RBFOX1: variants seen among roughly 807,000 people sequenced by gnomAD.
The protein encoded by RBFOX1 is RNA binding fox-1 homolog 1.
Under a neutral mutation model 57.7 loss-of-function variants are expected in RBFOX1, and 8 were observed. The observed-to-expected ratio is 0.14, with a 90% CI of 0.08 to 0.25. RBFOX1 has a LOEUF of 0.25. Among genes scored for constraint, RBFOX1 ranks in the 10% least tolerant of loss-of-function variants. The probability of loss-of-function intolerance (pLI) is 1.00; values close to 1 mark genes in which losing one functional copy is unlikely to be tolerated. For missense variants in RBFOX1, 611 were observed against 548.5 expected, an observed-to-expected ratio of 1.11 and a Z score of -1.14; for synonymous variants, 326 against 222.4, an observed-to-expected ratio of 1.47 and a Z score of -4.15.
At chr16:6,843,634 AGCC>A (rs2093609828) in intron 3 of RBFOX1, among the ~76,000 whole-genome samples, 1 of 152,218 alleles carries the variant, frequency 6.6e-6, no homozygotes, top group Non-Finnish European at 1.5e-5. Flanking sequence ...GCTTGCAGTG[AGCC>A]GACATCGCGC....
chr16:7,698,283 C>T (rs2079471041), intron 14 of RBFOX1, among the ~76,000 whole-genome samples: 1 of 151,786 alleles, frequency 6.6e-6, no homozygotes. Context: ...ATGCCAGGAC[C>T]CACCATGCAT....
chr16:6,918,354 G>A (rs1044815336), intron 3 of RBFOX1, among the ~76,000 whole-genome samples: 15 of 151,850 alleles, frequency 9.9e-5, no homozygotes, highest in Non-Finnish European at 8.8e-5. Context: ...ACTGGGCTTG[G>A]TGCCATTGTT....
At chr16:5,486,181 G>C (rs180676025) in intron 2 of RBFOX1, among the ~76,000 whole-genome samples, 1 of 152,274 alleles carries the variant, frequency 6.6e-6, no homozygotes, top group East Asian at 1.9e-4. Context: ...GCCTCCCCTA[G>C]GAAGTCCTGG....
intron 4 of RBFOX1, among the ~76,000 whole-genome samples, chr16:7,384,486 CA>C (rs1253339708): frequency 6.6e-6 from 1 of 152,064 alleles, no homozygotes; most frequent in African/African-American, 2.4e-5. Context: ...GTTTTCATGC[CA>C]AACATAGCTG....
At chr16:6,722,097 A>C (rs943490097) in intron 3 of RBFOX1, 2 of 152,198 alleles carry the variant, frequency 1.3e-5, no homozygotes, top group Non-Finnish European at 2.9e-5. Context: ...TATGAATAAT[A>C]CTGGTATAAG....
intron 2 of RBFOX1, among the ~76,000 whole-genome samples, chr16:6,461,940 C>G (rs900821952): frequency 6.6e-6 from 1 of 152,116 alleles, no homozygotes; most frequent in African/African-American, 2.4e-5. Flanking sequence ...CAAGCTTTGA[C>G]TGGATTAATG....
rs1229650673 is a variant in RBFOX1 at position 6,141,691 on chromosome 16, A to G, written c.-127+121699A>G. Among the ~76,000 whole-genome samples, 6 of 151,818 alleles carry G rather than the reference A, an allele frequency of 4.0e-5. 1 individual carries two copies. The highest frequency in any genetic ancestry group is 4.1e-4 in the South Asian group (2 of 4,830). ...AGCCCTCTTTAATTCTCTTACTGTA[A>G]TATTACAATAAGTTTCTTTTAAAAT... On this transcript the variant is annotated intron_variant, in intron 1 of 15. Coordinates refer to ENST00000550418, the MANE Select transcript of RBFOX1 (RefSeq NM_018723.4).
chr16:7,042,437 C>G (rs774177652), intron 3 of RBFOX1, among the ~76,000 whole-genome samples: 1 of 152,212 alleles, frequency 6.6e-6, no homozygotes, highest in Non-Finnish European at 1.5e-5. Flanking sequence ...TAGGAATTCA[C>G]TCACTCTGTG....
At chr16:7,365,925 A>G (rs987065557) in intron 4 of RBFOX1, among the ~76,000 whole-genome samples, 2 of 152,176 alleles carry the variant, frequency 1.3e-5, no homozygotes, top group African/African-American at 4.8e-5. Context: ...CACTTCCACA[A>G]ACTAGCTTCC....
At chr16:5,516,824 C>G (rs947322303) in intron 2 of RBFOX1, among the ~76,000 whole-genome samples, 11 of 152,144 alleles carry the variant, frequency 7.2e-5, no homozygotes, top group African/African-American at 2.7e-4. Context: ...CTCTCTCCTG[C>G]TGCCCTATGA....
intron 1 of RBFOX1, among the ~76,000 whole-genome samples, chr16:6,204,162 A>G (rs2097237266): frequency 6.6e-6 from 1 of 152,088 alleles, no homozygotes; most frequent in Non-Finnish European, 1.5e-5. Context: ...CAACTTTGGA[A>G]TCTTCCCTTT....
intron 3 of RBFOX1, among the ~76,000 whole-genome samples, chr16:5,832,991 G>C (rs1048879496): frequency 2.6e-5 from 4 of 152,136 alleles, no homozygotes; most frequent in Admixed American, 2.6e-4. Flanking sequence ...GTGTTTTTGA[G>C]AATCAGGTGA....
intron 1 of RBFOX1, among the ~76,000 whole-genome samples, chr16:6,243,836 A>C (rs2097553464): frequency 6.6e-6 from 1 of 152,170 alleles, no homozygotes; most frequent in African/African-American, 2.4e-5. Flanking sequence ...ATCCTGCCTG[A>C]GATGAAAGAC....
exon 1 of RBFOX1, chr16:5,240,072 G>T (rs760870590): frequency 9.1e-6 from 14 of 1,532,070 alleles, no homozygotes; most frequent in Non-Finnish European, 1.2e-5. Flanking sequence ...GCAGGGAGGA[G>T]ACCGGCACCC....
chr16:5,763,160 A>G (rs35940530), intron 3 of RBFOX1, among the ~76,000 whole-genome samples: 15,113 of 152,202 alleles, frequency 0.099, 2,307 homozygotes, highest in African/African-American at 0.33. Flanking sequence ...ATCTGGCTGG[A>G]TTAGAAGTCC....
At chr16:6,340,356 G>T (rs2084376968) in intron 2 of RBFOX1, among the ~76,000 whole-genome samples, 1 of 152,160 alleles carries the variant, frequency 6.6e-6, no homozygotes, top group Non-Finnish European at 1.5e-5. Flanking sequence ...CTAAGACAGG[G>T]TTCTTGGATC....
In RBFOX1 at chr16:7,676,778, G is replaced by A; in HGVS notation, c.935G>A (p.Gly312Asp). Residue 312 changes from glycine to aspartate, a missense_variant, in exon 14 of 16, where the codon GGT (glycine) becomes GAT (aspartate). Coordinates refer to ENST00000550418, the MANE Select transcript of RBFOX1 (RefSeq NM_018723.4). ...ACATTTCTCCTTGTGTTTTAGGGTG[G>A]TTATGCTGCATACCGCTACGCCCAG... ...DGFYGADIYG[G>D]YAAYRYAQPT... 1 of 1,612,722 alleles carries A rather than the reference G, an allele frequency of 6.2e-7. No individual in the cohort carries two copies.
chr16:5,583,601 G>A (rs60585995), intron 2 of RBFOX1, among the ~76,000 whole-genome samples: 11,391 of 152,166 alleles, frequency 0.075, 829 homozygotes, highest in African/African-American at 0.19. Flanking sequence ...TTCTTTGCTC[G>A]ATTAAACTCC....
chr16:7,518,501 G>A (rs1169146012), intron 5 of RBFOX1, 112 bp downstream of exon 5: 1 of 1,415,576 alleles, frequency 7.1e-7, no homozygotes, highest in Non-Finnish European at 9.4e-7. Context: ...AAACAGATCA[G>A]TCCCTAAGCC....
Sources: gnomAD v4.1 joint callset for allele counts (sites outside exome capture counted in the v4.1 genomes callset) on GRCh38, gnomAD v4.1.1 for gene constraint, MANE v1.5 for transcripts, NCBI Gene and HGNC (gene_info 2026-07-23, HGNC 2026-07-21) for gene names.